RYR3: variants seen among roughly 807,000 people sequenced by gnomAD.
The protein encoded by RYR3 is ryanodine receptor 3.
A neutral mutation model predicts 584.3 loss-of-function variants in RYR3; 207 were observed. The observed-to-expected ratio is 0.35, with a 90% CI of 0.32 to 0.40. The LOEUF (loss-of-function observed/expected upper bound fraction) is 0.40. Among genes scored for constraint, RYR3 ranks in the 10% least tolerant of loss-of-function variants. The pLI, the probability that RYR3 is intolerant of heterozygous loss-of-function variation, is 1.00. For synonymous variants in RYR3, 2,416 were observed against 2,248.5 expected, an observed-to-expected ratio of 1.07 and a Z score of -2.11; for missense variants, 5,616 against 6,089.2, an observed-to-expected ratio of 0.92 and a Z score of 2.59.
chr15:33,512,100 CTT>C (rs1192195318), intron 3 of RYR3, among the ~76,000 whole-genome samples: 1 of 152,120 alleles, frequency 6.6e-6, no homozygotes, highest in Non-Finnish European at 1.5e-5. Flanking sequence ...TAAAGCCTCT[CTT>C]GTTTGCTCTG....
rs748279161 is a variant in RYR3 at position 33,603,142 on chromosome 15, C to T, written c.1942C>T (p.Leu648=). 5 of 1,613,742 alleles carry T rather than the reference C, an allele frequency of 3.1e-6. No individual in the cohort carries two copies. Among genetic ancestry groups the T allele is most frequent in the Non-Finnish European group, 3.4e-6 (4 of 1,179,824 alleles). Residue 648 remains leucine (L), a synonymous_variant, in exon 18 of 104, where the codon CTG becomes TTG. Transcript: ENST00000634891. ...DVTSIRPNIF[L]GVAEGSAQYK... ...TTTCAGTATCCGGCCAAACATCTTC[C>T]TGGGAGTCGCGGAGGGCTCAGCCCA...
chr15:33,647,479 T>C lies in RYR3; in HGVS notation c.3978+19T>C. 6.4e-7 allele frequency: 1 copy of C among 1,568,570 alleles called. No individual in the cohort carries two copies. Among genetic ancestry groups the C allele is most frequent in the South Asian group, 1.1e-5 (1 of 89,924 alleles). ...AACAACAGTAAGTAAATGTGCTCAATTATGGTTTTAATTATTTGATTCTTT... is the reference window on the plus strand; with the variant it reads ...AACAACAGTAAGTAAATGTGCTCAACTATGGTTTTAATTATTTGATTCTTT... On this transcript the variant is annotated intron_variant, in intron 30 of 103. Transcript: ENST00000634891.
intron 19 of RYR3, among the ~76,000 whole-genome samples, chr15:33,621,886 G>T (rs144678336): frequency 6.6e-6 from 1 of 152,110 alleles, no homozygotes; most frequent in African/African-American, 2.4e-5. Flanking sequence ...CTACCAGAAC[G>T]TTCCAGTGAA....
intron 1 of RYR3, among the ~76,000 whole-genome samples, chr15:33,462,934 A>G (rs1295107881): frequency 6.6e-6 from 1 of 152,094 alleles, no homozygotes; most frequent in Non-Finnish European, 1.5e-5. Flanking sequence ...TAATCCTAGC[A>G]CTTTGGGAGG....
intron 1 of RYR3, among the ~76,000 whole-genome samples, chr15:33,372,778 T>G (rs1261301767): frequency 6.6e-6 from 1 of 152,220 alleles, no homozygotes; most frequent in African/African-American, 2.4e-5. Context: ...AGTGCTAGGA[T>G]TATAGGCGTG....
chr15:33,729,901 G>C (rs2068799352), intron 47 of RYR3, among the ~76,000 whole-genome samples: 1 of 152,142 alleles, frequency 6.6e-6, no homozygotes, highest in Admixed American at 6.5e-5. Flanking sequence ...CCTTAACTTG[G>C]ATGGATTCCA....
intron 1 of RYR3, among the ~76,000 whole-genome samples, chr15:33,396,433 G>A (rs1595962308): frequency 6.6e-6 from 1 of 152,158 alleles, no homozygotes; most frequent in African/African-American, 2.4e-5. Context: ...CCACCCGAGG[G>A]ACACTTCCTC....
chr15:33,633,223 C>A, intron 24 of RYR3, 115 bp downstream of exon 24: 1 of 956,926 alleles, frequency 1.0e-6, no homozygotes, highest in Non-Finnish European at 1.6e-6. Flanking sequence ...GCACTCTATC[C>A]CTCACACCTC....
intron 10 of RYR3, among the ~76,000 whole-genome samples, chr15:33,558,848 G>A (rs1329000912): frequency 6.6e-6 from 1 of 152,144 alleles, no homozygotes; most frequent in Non-Finnish European, 1.5e-5. Flanking sequence ...GAATGGACAC[G>A]CCATACCACA....
In RYR3 at chr15:33,390,693, G is replaced by C; in HGVS notation, c.51+79597G>C. ...AAATCAGAGTGGTTCACTCTGCGTAGATTGTTTGCACAAACAATGTGATTT... is the reference window on the plus strand; with the variant it reads ...AAATCAGAGTGGTTCACTCTGCGTACATTGTTTGCACAAACAATGTGATTT... On this transcript the variant is annotated intron_variant, in intron 1 of 103. Coordinates refer to ENST00000634891, the MANE Select transcript of RYR3 (RefSeq NM_001036.6). The surrounding 1 kb of genome is among the most constrained non-coding windows in gnomAD (Gnocchi z 4.2). Among the ~76,000 whole-genome samples, 1 of 152,160 alleles carries C rather than the reference G, an allele frequency of 6.6e-6. No individual in the cohort carries two copies. Among genetic ancestry groups the C allele is most frequent in the East Asian group, 1.9e-4 (1 of 5,184 alleles).
At chr15:33,762,849 G>A (rs4609671) in intron 60 of RYR3, among the ~76,000 whole-genome samples, 20 of 152,200 alleles carry the variant, frequency 1.3e-4, no homozygotes, top group African/African-American at 2.4e-4. Flanking sequence ...GAGGCATCAC[G>A]CTACCTGACT....
intron 10 of RYR3, 135 bp downstream of exon 10, chr15:33,550,451 A>G (rs2056596983): frequency 1.3e-6 from 1 of 776,698 alleles, no homozygotes; most frequent in Non-Finnish European, 2.0e-6. Context: ...ATAGATAAAC[A>G]CTTTCTTCTT....
chr15:33,443,616 A>G (rs866344742), intron 1 of RYR3, among the ~76,000 whole-genome samples: 2 of 152,230 alleles, frequency 1.3e-5, no homozygotes, highest in African/African-American at 4.8e-5. Context: ...CTCCTCTGAC[A>G]CTGTTCAGAG....
intron 26 of RYR3, among the ~76,000 whole-genome samples, chr15:33,636,144 G>T (rs2061486241): frequency 6.6e-6 from 1 of 152,172 alleles, no homozygotes; most frequent in African/African-American, 2.4e-5. Flanking sequence ...TCCCTAGAGA[G>T]AATCCTGATT....
At chr15:33,813,611 A>G in intron 74 of RYR3, 32 bp downstream of exon 74, 1 of 1,530,784 alleles carries the variant, frequency 6.5e-7, no homozygotes, top group Admixed American at 1.7e-5. Flanking sequence ...CTGGCATGTA[A>G]GCCAGCGATG....
rs192232268 is a variant in RYR3, at chr15:33,769,953, A to T, written c.8816+781A>T. 3.3e-4 allele frequency among the ~76,000 whole-genome samples: 50 copies of T among 152,200 alleles called. No individual in the cohort carries two copies. In the East Asian group the frequency reaches 4.4e-3, roughly 14 times the overall value. On this transcript the variant is annotated intron_variant, in intron 62 of 103. Transcript: ENST00000634891. ...GACAGAGCCAGACCCTGTCTTAAAAAATATATATAAATAAGAGAGAAGCAG... is the reference window on the plus strand; with the variant it reads ...GACAGAGCCAGACCCTGTCTTAAAATATATATATAAATAAGAGAGAAGCAG...
intron 47 of RYR3, among the ~76,000 whole-genome samples, chr15:33,730,444 A>G (rs779106727): frequency 1.4e-4 from 21 of 152,200 alleles, no homozygotes; most frequent in Non-Finnish European, 2.8e-4. Context: ...TTAAGTCTGT[A>G]TATTAAAGTG....
At chr15:33,330,753 T>C (rs1478941017) in intron 1 of RYR3, among the ~76,000 whole-genome samples, 1 of 152,192 alleles carries the variant, frequency 6.6e-6, no homozygotes, top group Non-Finnish European at 1.5e-5. Context: ...TAGCTGCTAC[T>C]CAGAGGTACT....
intron 1 of RYR3, among the ~76,000 whole-genome samples, chr15:33,366,565 A>G (rs538927987): frequency 2.0e-5 from 3 of 152,206 alleles, no homozygotes; most frequent in Non-Finnish European, 4.4e-5. Context: ...TTTTAAATGG[A>G]CAGTCTACTC....
Sources: allele counts gnomAD v4.1 joint callset (sites outside exome capture counted in the v4.1 genomes callset), GRCh38; gene constraint gnomAD v4.1.1; non-coding constraint Gnocchi (gnomAD v3.1); transcripts MANE v1.5; gene names NCBI Gene and HGNC (gene_info 2026-07-23, HGNC 2026-07-21).